The following WDR73 variants were observed in gnomAD, a reference collection of about 807,000 sequenced individuals.
The protein encoded by WDR73 is integrator complex assembly factor WDR73.
WDR73 carries 30 observed loss-of-function variants against 38.2 expected under a neutral mutation model. That is an observed-to-expected ratio of 0.79 (90% CI 0.59 to 1.06). The LOEUF is 1.06. Ranked by LOEUF, WDR73 falls within the 50% of genes least tolerant of loss-of-function variation. WDR73 has a pLI of 0.00. For missense variants in WDR73, 487 were observed against 467.0 expected, an observed-to-expected ratio of 1.04 and a Z score of -0.40; for synonymous variants, 197 against 176.0, an observed-to-expected ratio of 1.12 and a Z score of -0.94.
intron 5 of WDR73, chr15:84,646,698 C>T (rs999976017): frequency 1.7e-4 from 34 of 203,302 alleles, no homozygotes; most frequent in Admixed American, 1.2e-3. Context: ...ACCCCTTCAG[C>T]GACAAGAAAC....
In WDR73 at chr15:84,646,278, G is replaced by A. The variant is rs2141837939; in HGVS notation, c.423C>T (p.Val141=). 1.9e-6 allele frequency: 3 copies of A among 1,613,966 alleles called. No homozygotes were observed. Among genetic ancestry groups the A allele is most frequent in the East Asian group, 2.2e-5 (1 of 44,880 alleles). ...KEESLWPRVA[V]FSTLAPGVLH... is the part of the protein sequence containing the mutation. ...GGACTCCGGGTGCCAATGTGGAGAA[G>A]ACGGCCACCCTAGGCCAGAGACTCT... Residue 141 remains valine, a synonymous_variant, in exon 6 of 8, where the codon GTC becomes GTT. Transcript: ENST00000434634.
rs183852608 is a variant in WDR73 at position 84,653,784 on chromosome 15, G to A, written c.42-85C>T. On this transcript the variant is annotated intron_variant, in intron 1 of 7. Transcript: ENST00000434634. ...AAGATGGCAGCCGCATGGTTCAGTGGCCCAAACTCTGGAGTCAGGCAGACG... is the reference window on the plus strand; with the variant it reads ...AAGATGGCAGCCGCATGGTTCAGTGACCCAAACTCTGGAGTCAGGCAGACG... 4.6e-6 allele frequency: 5 copies of A among 1,088,190 alleles called. No individual in the cohort carries two copies. The Admixed American group carries it at 6.0e-5, about 13-fold the overall frequency. 67.4% of individuals were successfully genotyped at this position (1,088,190 alleles called of 1,614,324 possible).
intron 5 of WDR73, chr15:84,646,591 C>A: frequency 2.1e-6 from 1 of 470,322 alleles, no homozygotes. Context: ...GAAGACAATG[C>A]CATCTCAAAA....
chr15:84,643,911 A>G lies in WDR73; in HGVS notation c.884-188T>C, dbSNP rs920116760. On this transcript the variant is annotated intron_variant, in intron 7 of 7. Coordinates refer to ENST00000434634, the MANE Select transcript of WDR73 (RefSeq NM_032856.5). ...GGATTACAGGCACCCAGCCCCTAAA[A>G]TACTTTTTATAATTTGTTCTATGGT... 10 of 633,506 alleles carry G rather than the reference A, an allele frequency of 1.6e-5. No homozygotes were observed. In the Admixed American group the frequency reaches 2.1e-4, roughly 13 times the overall value. 39.2% of individuals were successfully genotyped at this position (633,506 alleles called of 1,614,324 possible). A position where few individuals can be genotyped will look rare whatever the true frequency, so the allele number is the denominator to read the frequency against.
rs1896418204 is a variant in WDR73 at position 84,645,492 on chromosome 15, T to G, written c.862A>C (p.Lys288Gln). 6.2e-7 allele frequency: 1 copy of G among 1,612,370 alleles called. No homozygotes were observed. Among genetic ancestry groups the G allele is most frequent in the Non-Finnish European group, 8.5e-7 (1 of 1,179,118 alleles). ...GTACCTGAGATGGCCAAGCAATTCT[T>G]CAGGCCTGGGGCCCAAGTCACTCGC... is the stretch of plus-strand genomic sequence containing the variant. The part of the protein sequence containing the change: ...LLRVTWAPGL[K>Q]NCLAISGFDG... The change falls in exon 7 of 8, where the codon AAG becomes CAG. Residue 288 changes from lysine to glutamine, a missense_variant. Physicochemically the swap from Lys to Gln is moderately conservative, Grantham distance 53. Transcript: ENST00000434634.
At position 84,648,295 on chromosome 15, in the gene WDR73, G is replaced by A. The variant is rs1896524478; in HGVS notation, c.287+242C>T. The A allele has an allele frequency of 5.1e-6, 3 of 584,990 alleles. No homozygotes were observed. The African/African-American group carries it at 5.6e-5, about 11-fold the overall frequency. 36.2% of individuals were successfully genotyped at this position (584,990 alleles called of 1,614,324 possible). The stretch of plus-strand genomic sequence containing the variant: ...TCTTTCTGTCCCGTATCTATTCCCT[G>A]GAGCAACTCCGGTAGAACTGTTACT... On this transcript the variant is annotated intron_variant, in intron 4 of 7. Coordinates refer to ENST00000434634, the MANE Select transcript of WDR73 (RefSeq NM_032856.5).
At chr15:84,647,746 C>A in intron 5 of WDR73, 144 bp downstream of exon 5, 1 of 763,096 alleles carries the variant, frequency 1.3e-6, no homozygotes, top group South Asian at 1.6e-5. Context: ...ATCCACCCAG[C>A]TCAGCCTCCC....
Position 84,645,758 on chromosome 15 carries a change from C to T in WDR73, c.596G>A (p.Arg199Gln), listed in dbSNP as rs370037552. ...DTFAFCCASG[R>Q]LGLVDTRQKW... is the part of the protein sequence containing the mutation. ...CTGCCGGGTGTCAACAAGCCCCAGC[C>T]GGCCTGAAGCACAGCAGAAGGCAAA... Residue 199 changes from arginine (R) to glutamine (Q), a missense_variant, in exon 7 of 8, where the codon CGG (arginine) becomes CAG (glutamine). Arg to Gln is a conservative substitution (Grantham distance 43). Coordinates refer to ENST00000434634, the MANE Select transcript of WDR73 (RefSeq NM_032856.5). The T allele has an allele frequency of 1.1e-4, 182 of 1,612,228 alleles. No homozygotes were observed. Among genetic ancestry groups the T allele is most frequent in the Admixed American group, 5.7e-4 (34 of 59,700 alleles).
At position 84,641,060 on chromosome 15, in the gene WDR73, G is replaced by GTCCAGT. The variant is rs1896242782; in HGVS notation, c.*2409_*2410insACTGGA. 1 of 150,828 alleles carries GTCCAGT rather than the reference G, an allele frequency of 6.6e-6. No homozygotes were observed. The highest frequency in any genetic ancestry group is 2.5e-5 in the African/African-American group (1 of 40,128). The allele number at this position is 150,828 out of a possible 1,614,324, so 9.3% of individuals were successfully genotyped here. A position where few individuals can be genotyped will look rare whatever the true frequency, so the allele number is the denominator to read the frequency against. On this transcript the variant is annotated 3_prime_UTR_variant, in exon 8 of 8. Coordinates refer to ENST00000434634, the MANE Select transcript of WDR73 (RefSeq NM_032856.5). Reference sequence around the variant, plus strand: ...TTCTGGGAACTAGACCTTCTTGAGAGGCACTATCATTCTCATTTCACCTGT... The same window carrying GTCCAGT: ...TTCTGGGAACTAGACCTTCTTGAGAGTCCAGTGCACTATCATTCTCATTTCACCTGT...
chr15:84,643,862 C>CCAT, intron 7 of WDR73, 139 bp from the exon 8 acceptor site: 1 of 1,031,456 alleles, frequency 9.7e-7, no homozygotes, highest in Non-Finnish European at 1.3e-6. Context: ...AGCGATCCTC[C>CCAT]CATCTCAGCC....
Position 84,641,832 on chromosome 15 carries a change from C to T in WDR73, c.*1638G>A, listed in dbSNP as rs966119975. ...CTGTGCCTGGTCTATCTTTAAATTC[C>T]TATCTGAATTTGTTTAGGTTTTTTA... is the stretch of plus-strand genomic sequence containing the variant. On this transcript the variant is annotated 3_prime_UTR_variant, in exon 8 of 8. Transcript: ENST00000434634. 3.3e-5 allele frequency: 5 copies of T among 152,034 alleles called. No homozygotes were observed. The highest frequency in any genetic ancestry group is 1.2e-4 in the African/African-American group (5 of 41,356). The allele number at this position is 152,034 out of a possible 1,614,324, so 9.4% of individuals were successfully genotyped here. A position where few individuals can be genotyped will look rare whatever the true frequency, so the allele number is the denominator to read the frequency against.
At chr15:84,654,207 C>T (rs968633906) in intron 1 of WDR73, 27 bp downstream of exon 1, 1 of 1,603,816 alleles carries the variant, frequency 6.2e-7, no homozygotes, top group African/African-American at 1.3e-5. Flanking sequence ...AGGCCCAGCT[C>T]CCATGTCCCA....
intron 4 of WDR73, 92 bp from the exon 5 acceptor site, chr15:84,648,046 C>G: frequency 1.9e-6 from 2 of 1,060,170 alleles, no homozygotes; most frequent in Non-Finnish European, 2.9e-6. Context: ...TGGGACTCCA[C>G]TTCCCATATC....
chr15:84,641,782 G>C lies in WDR73; in HGVS notation c.*1688C>G, dbSNP rs1208283379. On this transcript the variant is annotated 3_prime_UTR_variant, in exon 8 of 8. Coordinates refer to ENST00000434634, the MANE Select transcript of WDR73 (RefSeq NM_032856.5). ...TCCACCCACCTTGGCCCCCCACAAA[G>C]TGCTGGGATTACAGGCGTGAGCCAC... The C allele has an allele frequency of 6.6e-6, 1 of 152,140 alleles. No individual in the cohort carries two copies. Among genetic ancestry groups the C allele is most frequent in the African/African-American group, 2.4e-5 (1 of 41,420 alleles). 9.4% of individuals were successfully genotyped at this position (152,140 alleles called of 1,614,324 possible).
At chr15:84,648,195 C>T (rs1567023488) in intron 4 of WDR73, 1 of 595,498 alleles carries the variant, frequency 1.7e-6, no homozygotes, top group East Asian at 2.8e-5. Flanking sequence ...AAGTATGGGG[C>T]CAAACACAAC....
chr15:84,652,437 G>A (rs1281212623), intron 3 of WDR73, among the ~76,000 whole-genome samples: 3 of 152,124 alleles, frequency 2.0e-5, no homozygotes, highest in East Asian at 1.9e-4. Context: ...ATCACTCTAC[G>A]CATTTCGACC....
chr15:84,643,540 G>C lies in WDR73; in HGVS notation c.1067C>G (p.Thr356Ser). 1 of 1,605,972 alleles carries C rather than the reference G, an allele frequency of 6.2e-7. No homozygotes were observed. Among genetic ancestry groups the C allele is most frequent in the South Asian group, 1.1e-5 (1 of 89,406 alleles). Residue 356 changes from threonine to serine, a missense_variant, in exon 8 of 8, where the codon ACT (threonine) becomes AGT (serine). Coordinates refer to ENST00000434634, the MANE Select transcript of WDR73 (RefSeq NM_032856.5). ...THTWHPCRPR[T>S]LLSATNDASL... ...GGCATCATTTGTTGCTGATAACAAA[G>C]TCCTTGGTCTGCAGGGATGCCAGGT... is the stretch of plus-strand genomic sequence containing the variant.
At chr15:84,648,001 A>G in intron 4 of WDR73, 47 bp from the exon 5 acceptor site, 1 of 1,551,152 alleles carries the variant, frequency 6.4e-7, no homozygotes, top group Non-Finnish European at 8.9e-7. Context: ...GAGCTTATCC[A>G]CACAGGTCCC....
chr15:84,642,003 A>C lies in WDR73; in HGVS notation c.*1467T>G, dbSNP rs912059319. ...GACATGAGCCACATGCTTGACCTGAATTTTAACTGCAGTTAATTATCACTT... is the reference window on the plus strand; with the variant it reads ...GACATGAGCCACATGCTTGACCTGACTTTTAACTGCAGTTAATTATCACTT... On this transcript the variant is annotated 3_prime_UTR_variant, in exon 8 of 8. Transcript: ENST00000434634. The C allele has an allele frequency of 6.6e-6, 1 of 151,960 alleles. No homozygotes were observed. The highest frequency in any genetic ancestry group is 2.4e-5 in the African/African-American group (1 of 41,378). The allele number at this position is 151,960 out of a possible 1,614,324, so 9.4% of individuals were successfully genotyped here.
Sources: allele counts gnomAD v4.1 joint callset (sites outside exome capture counted in the v4.1 genomes callset), GRCh38; gene constraint gnomAD v4.1.1; transcripts MANE v1.5; gene names NCBI Gene and HGNC (gene_info 2026-07-23, HGNC 2026-07-21).